ADAM22: variants seen among roughly 807,000 people sequenced by gnomAD.
ADAM22 encodes the protein ADAM metallopeptidase domain 22, also known as disintegrin and metalloproteinase domain-containing protein 22.
ADAM22 carries 65 observed loss-of-function variants against 144.6 expected under a neutral mutation model. The ratio of observed to expected loss-of-function variants is 0.45; its 90% CI spans 0.37 to 0.55. The LOEUF (loss-of-function observed/expected upper bound fraction) is 0.55. ADAM22 is among the 20% of genes least tolerant of loss of function. ADAM22 has a pLI of 0.00. For synonymous variants in ADAM22, 391 were observed against 412.6 expected, an observed-to-expected ratio of 0.95 and a Z score of 0.63; for missense variants, 974 against 1,184.9, an observed-to-expected ratio of 0.82 and a Z score of 2.61.
chr7:87,971,582 T>A (rs1850446405), intron 2 of ADAM22, among the ~76,000 whole-genome samples: 1 of 152,246 alleles, frequency 6.6e-6, no homozygotes, highest in Non-Finnish European at 1.5e-5. Flanking sequence ...AAGATGGCAT[T>A]TCTGCAAAAT....
intron 2 of ADAM22, among the ~76,000 whole-genome samples, chr7:87,970,679 T>C (rs1275785407): frequency 6.6e-6 from 1 of 152,098 alleles, no homozygotes; most frequent in Non-Finnish European, 1.5e-5. Context: ...CTCTAGAAGA[T>C]ATGAGGAGAA....
chr7:87,934,878 G>C, intron 1 of ADAM22, 148 bp from the exon 2 acceptor site: 1 of 1,134,904 alleles, frequency 8.8e-7, no homozygotes, highest in Non-Finnish European at 1.3e-6. Context: ...TGGTGTCTCT[G>C]CGTCCTTCCC....
In ADAM22 at chr7:88,001,116, AGG is replaced by A. The variant is rs572481163; in HGVS notation, c.323+22705_323+22706del. Among the ~76,000 whole-genome samples the A allele has an allele frequency of 1.6e-4, 24 of 152,350 alleles. 1 individual carries two copies. The South Asian group carries it at 5.0e-3, about 32-fold the overall frequency. On this transcript the variant is annotated intron_variant, in intron 3 of 31. Coordinates refer to ENST00000413139, the MANE Select transcript of ADAM22 (RefSeq NM_001324418.2). ...CTGGTACATCTGTCTTTCAGACAAA[AGG>A]TATAGAAACACATGCAGGAAAATAG...
chr7:88,047,907 A>G (rs1232112605), intron 3 of ADAM22, among the ~76,000 whole-genome samples: 1 of 152,160 alleles, frequency 6.6e-6, no homozygotes, highest in Non-Finnish European at 1.5e-5. Flanking sequence ...ATATACATAT[A>G]TATAAGAAAA....
At chr7:88,150,839 C>T in intron 18 of ADAM22, 142 bp from the exon 19 acceptor site, 1 of 583,436 alleles carries the variant, frequency 1.7e-6, no homozygotes, top group South Asian at 3.1e-5. Flanking sequence ...TGCTCTTGAC[C>T]TCCTTTGCAT....
chr7:88,144,094 T>G (rs1835606841), intron 15 of ADAM22, among the ~76,000 whole-genome samples: 1 of 152,212 alleles, frequency 6.6e-6, no homozygotes, highest in Non-Finnish European at 1.5e-5. Context: ...TAGACAAAAG[T>G]TGACTCATTT....
In ADAM22 at chr7:88,136,015, A is replaced by G. The variant is rs768702462; in HGVS notation, c.1204A>G (p.Ile402Val). 2.5e-5 allele frequency: 41 copies of G among 1,612,390 alleles called. No individual in the cohort carries two copies. The highest frequency in any genetic ancestry group is 3.3e-5 in the Admixed American group (2 of 59,816). ...CKCEDTWSGC[I>V]MGDTGYYLPK... ...ATGCGAGGACACGTGGTCCGGGTGC[A>G]TAATGGGAGACACTGGGTGAGCCAC... The change falls in exon 14 of 32, where the codon ATA (isoleucine) becomes GTA (valine). Residue 402 changes from isoleucine to valine, a missense_variant. Physicochemically the swap from Ile to Val is conservative, Grantham distance 29. This residue lies in a region of ADAM22 where 734 missense variants were observed against 950.6 expected (regional missense o/e 0.77). Coordinates refer to ENST00000413139, the MANE Select transcript of ADAM22 (RefSeq NM_001324418.2).
At chr7:87,971,961 C>T (rs1201567960) in intron 2 of ADAM22, among the ~76,000 whole-genome samples, 10 of 152,264 alleles carry the variant, frequency 6.6e-5, no homozygotes, top group Admixed American at 1.3e-4. Context: ...GAGGCCAAGG[C>T]GGGTGGATCA....
At position 88,160,605 on chromosome 7, in the gene ADAM22, G is replaced by A. The variant is rs529062979; in HGVS notation, c.1908-2407G>A. Reference sequence around the variant, plus strand: ...GATGAAGCTGACAAAAACAAGTAATGGGGTACTGGGTATATACCCAAAGGA... The same window carrying A: ...GATGAAGCTGACAAAAACAAGTAATAGGGTACTGGGTATATACCCAAAGGA... On this transcript the variant is annotated intron_variant, in intron 22 of 31. Coordinates refer to ENST00000413139, the MANE Select transcript of ADAM22 (RefSeq NM_001324418.2). Among the ~76,000 whole-genome samples, 14 of 152,086 alleles carry A rather than the reference G, an allele frequency of 9.2e-5. No homozygotes were observed. The South Asian group carries it at 2.9e-3, about 32-fold the overall frequency.
At chr7:88,140,969 G>C (rs747396608) in intron 14 of ADAM22, among the ~76,000 whole-genome samples, 20 of 152,172 alleles carry the variant, frequency 1.3e-4, no homozygotes, top group East Asian at 1.9e-4. Flanking sequence ...GGAGGTGGAG[G>C]GGGGAGAGGG....
chr7:88,067,705 A>G (rs755910301), intron 3 of ADAM22, among the ~76,000 whole-genome samples: 2 of 152,142 alleles, frequency 1.3e-5, no homozygotes, highest in African/African-American at 4.8e-5. Flanking sequence ...GCTAACATTC[A>G]TGATAGTGGC....
intron 4 of ADAM22, among the ~76,000 whole-genome samples, chr7:88,081,893 G>A (rs1436657284): frequency 2.0e-5 from 3 of 150,604 alleles, no homozygotes; most frequent in Non-Finnish European, 3.0e-5. Flanking sequence ...AATCAATATC[G>A]TGAAAATGGC....
intron 3 of ADAM22, among the ~76,000 whole-genome samples, chr7:88,042,653 GA>G (rs1025452857): frequency 1.3e-5 from 2 of 151,100 alleles, no homozygotes; most frequent in African/African-American, 4.9e-5. Context: ...CTTCATTTAG[GA>G]AAAAAAATAG....
chr7:87,972,608 A>G (rs1294688546), intron 2 of ADAM22, among the ~76,000 whole-genome samples: 1 of 152,246 alleles, frequency 6.6e-6, no homozygotes, highest in East Asian at 1.9e-4. Context: ...GGAACCAAAA[A>G]AGAGCCCGCA....
chr7:87,993,160 A>G (rs1008678395), intron 3 of ADAM22, among the ~76,000 whole-genome samples: 1 of 152,132 alleles, frequency 6.6e-6, no homozygotes, highest in Non-Finnish European at 1.5e-5. Flanking sequence ...GAATAAATAG[A>G]CTTGAGTGCT....
At chr7:87,964,580 A>C in intron 2 of ADAM22, 2 of 399,074 alleles carry the variant, frequency 5.0e-6, no homozygotes, top group Non-Finnish European at 9.6e-6. Context: ...TCAACCCCTT[A>C]GGTTTTTTAT....
intron 2 of ADAM22, among the ~76,000 whole-genome samples, chr7:87,950,061 G>A (rs927305009): frequency 5.9e-5 from 9 of 152,040 alleles, no homozygotes; most frequent in East Asian, 1.9e-4. Context: ...TAGAGAACAG[G>A]CACATTAGTA....
intron 2 of ADAM22, among the ~76,000 whole-genome samples, chr7:87,938,851 A>G (rs1309444061): frequency 2.0e-5 from 3 of 151,964 alleles, no homozygotes; most frequent in South Asian, 4.1e-4. Context: ...GGGTTTCACC[A>G]TGTTAGCCAG....
Position 88,193,141 on chromosome 7 carries a change from T to A in ADAM22, c.2776T>A (p.Ser926Thr). 3.1e-6 allele frequency: 5 copies of A among 1,614,102 alleles called. No individual in the cohort carries two copies. Among genetic ancestry groups the A allele is most frequent in the Non-Finnish European group, 4.2e-6 (5 of 1,179,966 alleles). ...GACTTTATCTCCTGCCAAGTCTCCT[T>A]CTTCATCAACTGGGTCTATTGCCTC... is the stretch of plus-strand genomic sequence containing the variant. ...FRTLSPAKSP[S>T]SSTGSIASSR... Residue 926 changes from serine to threonine, a missense_variant, in exon 31 of 32, where the codon TCT becomes ACT. Ser to Thr is a moderately conservative substitution (Grantham distance 58). Coordinates refer to ENST00000413139, the MANE Select transcript of ADAM22 (RefSeq NM_001324418.2).
Sources: gnomAD v4.1 joint callset for allele counts (sites outside exome capture counted in the v4.1 genomes callset) on GRCh38, gnomAD v4.1.1 for gene constraint, gnomAD v4.1.1 regional missense constraint, MANE v1.5 for transcripts, NCBI Gene and HGNC (gene_info 2026-07-23, HGNC 2026-07-21) for gene names.